TOX: variants seen among roughly 807,000 people sequenced by gnomAD.
TOX encodes the protein thymocyte selection associated high mobility group box, also known as thymocyte selection-associated high mobility group box protein TOX.
In TOX, 11 loss-of-function variants were observed where a neutral mutation model predicts 53.7. The ratio of observed to expected loss-of-function variants is 0.20; its 90% confidence interval spans 0.13 to 0.34. The LOEUF (loss-of-function observed/expected upper bound fraction) is 0.34, where lower values mean the gene tolerates loss of function less well. TOX is among the 10% of genes least tolerant of loss of function. TOX has a pLI of 1.00. For synonymous variants in TOX, 225 were observed against 245.3 expected (o/e 0.92, Z 0.77); for missense variants, 570 against 664.6 (o/e 0.86, Z 1.56).
chr8:58,939,358 T>G lies in TOX; in HGVS notation c.355A>C (p.Thr119Pro). 6.2e-7 allele frequency: 1 copy of G among 1,614,098 alleles called. No homozygotes were observed. The highest frequency in any genetic ancestry group is 8.5e-7 in the Non-Finnish European group (1 of 1,180,016). ...HPQNMDLPEITVSNMLGQDGT... is the reference protein window; with the variant it reads ...HPQNMDLPEIPVSNMLGQDGT... ...TCCTGGCCCAGCATATTGGAGACTG[T>G]GATTTCAGGGAGGTCCATGTTTTGT... Residue 119 changes from threonine to proline, a missense_variant, in exon 3 of 9, where the codon ACA becomes CCA. By Grantham distance (38) the Thr-to-Pro change is conservative. Transcript: ENST00000361421.
intron 6 of TOX, among the ~76,000 whole-genome samples, chr8:58,822,008 C>G (rs1254290282): frequency 6.6e-6 from 1 of 152,158 alleles, no homozygotes; most frequent in African/African-American, 2.4e-5. Context: ...GAACAGGCTT[C>G]CTGTGATTCC....
At chr8:58,976,998 T>C (rs1437644562) in intron 1 of TOX, among the ~76,000 whole-genome samples, 2 of 152,214 alleles carry the variant, frequency 1.3e-5, no homozygotes, top group Non-Finnish European at 2.9e-5. Context: ...CAACTGCAAA[T>C]CACCAGCTGT....
chr8:58,883,089 T>A (rs1400972737), intron 3 of TOX, among the ~76,000 whole-genome samples: 1 of 152,214 alleles, frequency 6.6e-6, no homozygotes, highest in East Asian at 1.9e-4. Context: ...TGTGTCCTAA[T>A]CACTTTCTCA....
chr8:59,068,641 T>A (rs990338989), intron 1 of TOX, among the ~76,000 whole-genome samples: 1 of 152,224 alleles, frequency 6.6e-6, no homozygotes, highest in East Asian at 1.9e-4. Context: ...AACAACCTTG[T>A]ATGCTTGGTA....
rs1229478485 is a variant in TOX, at chr8:58,939,311, G to A, written c.402C>T (p.Ser134=). ...LGQDGTLLSN[S]ISVMPDIRNP... ...GTAAGCAGATTCTTACCACAGAAATGGAATTAGAAAGCAGTGTTCCATCCT... is the reference window on the plus strand; with the variant it reads ...GTAAGCAGATTCTTACCACAGAAATAGAATTAGAAAGCAGTGTTCCATCCT... Residue 134 remains serine (S), a synonymous_variant, in exon 3 of 9, where the codon TCC becomes TCT. Transcript: ENST00000361421. 1.9e-6 allele frequency: 3 copies of A among 1,614,002 alleles called. No individual in the cohort carries two copies. The highest frequency in any genetic ancestry group is 2.5e-6 in the Non-Finnish European group (3 of 1,179,982).
intron 1 of TOX, among the ~76,000 whole-genome samples, chr8:58,980,675 G>T (rs529159553): frequency 3.9e-5 from 6 of 152,296 alleles, no homozygotes; most frequent in South Asian, 4.1e-4. Flanking sequence ...AAGGCAATGT[G>T]GTCCCTGCCC....
At chr8:59,052,268 G>T (rs1261881660) in intron 1 of TOX, among the ~76,000 whole-genome samples, 2 of 152,030 alleles carry the variant, frequency 1.3e-5, no homozygotes, top group Non-Finnish European at 2.9e-5. Context: ...TGCCAAAAGT[G>T]TTTTTTCACA....
chr8:58,998,866 C>T (rs1177887744), intron 1 of TOX, among the ~76,000 whole-genome samples: 2 of 151,898 alleles, frequency 1.3e-5, no homozygotes, highest in Non-Finnish European at 2.9e-5. Flanking sequence ...GAGTGCAAAA[C>T]ATTGAGTTTC....
intron 2 of TOX, among the ~76,000 whole-genome samples, chr8:58,950,460 C>T (rs1812603157): frequency 6.6e-6 from 1 of 152,160 alleles, no homozygotes; most frequent in Non-Finnish European, 1.5e-5. Flanking sequence ...CCCATTTCTA[C>T]TCATCACATG....
chr8:59,036,054 T>C (rs924309779), intron 1 of TOX, among the ~76,000 whole-genome samples: 1 of 152,202 alleles, frequency 6.6e-6, no homozygotes, highest in Non-Finnish European at 1.5e-5. Flanking sequence ...CATTTGCCTC[T>C]CATCAGCACA....
At chr8:58,928,016 A>G (rs1812194604) in intron 3 of TOX, among the ~76,000 whole-genome samples, 1 of 152,178 alleles carries the variant, frequency 6.6e-6, no homozygotes, top group Non-Finnish European at 1.5e-5. Context: ...CACTCCCCGG[A>G]CAAGTTAAGA....
chr8:58,848,817 CTT>C (rs1810762190), intron 4 of TOX, among the ~76,000 whole-genome samples: 1 of 152,028 alleles, frequency 6.6e-6, no homozygotes, highest in Non-Finnish European at 1.5e-5. Flanking sequence ...TCAAAACAGA[CTT>C]ATTTCATTTA....
At chr8:59,062,891 T>C (rs1376030835) in intron 1 of TOX, among the ~76,000 whole-genome samples, 16 of 152,166 alleles carry the variant, frequency 1.1e-4, no homozygotes, top group East Asian at 1.9e-4. Context: ...AGCTAGCATT[T>C]TTCCTGATAA....
At chr8:59,108,098 G>T (rs1804944930) in intron 1 of TOX, among the ~76,000 whole-genome samples, 1 of 152,184 alleles carries the variant, frequency 6.6e-6, no homozygotes. Flanking sequence ...CAGCCAGAGA[G>T]CTAAGCTCTA....
intron 1 of TOX, among the ~76,000 whole-genome samples, chr8:59,105,555 T>C (rs944082416): frequency 6.6e-6 from 1 of 152,164 alleles, no homozygotes; most frequent in African/African-American, 2.4e-5. Flanking sequence ...GCATACTATA[T>C]GAAGGCTGGA....
intron 6 of TOX, among the ~76,000 whole-genome samples, chr8:58,820,064 A>G (rs1332363830): frequency 2.0e-5 from 3 of 152,166 alleles, no homozygotes; most frequent in Non-Finnish European, 4.4e-5. Flanking sequence ...ACAGTCATAC[A>G]ATGATCCATC....
rs563500918 is a variant in TOX at position 59,002,610 on chromosome 8, A to C, written c.103-42602T>G. ...CGTCTCAAAACAACAACAACAACAA[A>C]AAAAAAACAAACAAAAAAAATCAGG... On this transcript the variant is annotated intron_variant, in intron 1 of 8. Coordinates refer to ENST00000361421, the MANE Select transcript of TOX (RefSeq NM_014729.3). Among the ~76,000 whole-genome samples the C allele has an allele frequency of 2.4e-3, 352 of 145,718 alleles. 2 individuals carry two copies. The highest frequency in any genetic ancestry group is 5.2e-3 in the African/African-American group (188 of 36,190).
intron 1 of TOX, among the ~76,000 whole-genome samples, chr8:59,014,311 G>T (rs1813968212): frequency 6.6e-6 from 1 of 152,216 alleles, no homozygotes; most frequent in African/African-American, 2.4e-5. Flanking sequence ...TTTAAATCCA[G>T]ATGCTATCAA....
chr8:59,093,571 T>C (rs1804662253), intron 1 of TOX, among the ~76,000 whole-genome samples: 1 of 152,216 alleles, frequency 6.6e-6, no homozygotes, highest in Non-Finnish European at 1.5e-5. Context: ...TTTACAGCTA[T>C]TGTTACAAGT....
Sources: allele counts gnomAD v4.1 joint callset (sites outside exome capture counted in the v4.1 genomes callset), GRCh38; gene constraint gnomAD v4.1.1; transcripts MANE v1.5; gene names NCBI Gene and HGNC (gene_info 2026-07-23, HGNC 2026-07-21).